The following NKAIN3 variants were observed in gnomAD, a reference collection of about 807,000 sequenced individuals.
The protein encoded by NKAIN3 is sodium/potassium transporting ATPase interacting 3.
NKAIN3 carries 25 observed loss-of-function variants against 30.2 expected under a neutral mutation model. That is an observed-to-expected ratio of 0.83 (90% CI 0.60 to 1.16). The LOEUF is 1.16. Among genes scored for constraint, NKAIN3 ranks in the 50% most tolerant of loss-of-function variants. NKAIN3 has a pLI of 0.00. For missense variants in NKAIN3, 225 were observed against 254.1 expected (o/e 0.89, Z 0.78); for synonymous variants, 91 against 89.6 (o/e 1.02, Z -0.09).
At chr8:62,423,162 C>A (rs952124458) in intron 1 of NKAIN3, among the ~76,000 whole-genome samples, 5 of 152,056 alleles carry the variant, frequency 3.3e-5, no homozygotes, top group African/African-American at 9.7e-5. Context: ...CACACCACCT[C>A]AACTAAATGC....
At chr8:62,637,148 A>G (rs1032953127) in intron 3 of NKAIN3, among the ~76,000 whole-genome samples, 2 of 152,242 alleles carry the variant, frequency 1.3e-5, no homozygotes, top group African/African-American at 4.8e-5. Context: ...GGTATGAAAC[A>G]AACATTTGCC....
rs73273457 is a variant in NKAIN3 at position 62,566,090 on chromosome 8, C to T, written c.55-13449C>T. 8.3e-3 allele frequency among the ~76,000 whole-genome samples: 1,267 copies of T among 152,212 alleles called. 17 individuals carry two copies. The highest frequency in any genetic ancestry group is 0.029 in the African/African-American group (1,197 of 41,538). On this transcript the variant is annotated intron_variant, in intron 1 of 6. Transcript: ENST00000623646. ...TTTTAAGGCATTTATTTCAGAGGCA[C>T]ATCAGATACTGCATGGCTTATGGAA...
intron 1 of NKAIN3, among the ~76,000 whole-genome samples, chr8:62,399,614 A>G (rs575474975): frequency 1.3e-5 from 2 of 152,328 alleles, no homozygotes; most frequent in African/African-American, 4.8e-5. Context: ...TGTGGTAAAT[A>G]TTGAAAATAT....
chr8:62,364,040 C>G (rs1816649123), intron 1 of NKAIN3, among the ~76,000 whole-genome samples: 1 of 148,600 alleles, frequency 6.7e-6, no homozygotes, highest in African/African-American at 2.4e-5. Context: ...ATTTGGGGTT[C>G]CTTCTCTGTA....
intron 4 of NKAIN3, among the ~76,000 whole-genome samples, chr8:62,881,659 T>C (rs1820986504): frequency 6.6e-6 from 1 of 152,260 alleles, no homozygotes. Flanking sequence ...CTTGGTTGCT[T>C]CCAAATTTTG....
chr8:62,964,578 G>GTA lies in NKAIN3; in HGVS notation c.604-776_604-775insTA, dbSNP rs1178300747. Among the ~76,000 whole-genome samples, 584 of 145,162 alleles carry GTA rather than the reference G, an allele frequency of 4.0e-3. 4 individuals are homozygous for GTA. The highest frequency in any genetic ancestry group is 0.014 in the African/African-American group (547 of 39,050). On this transcript the variant is annotated intron_variant, in intron 6 of 6. Transcript: ENST00000623646. ...TGTGTGTGTGTGTGTGTGTGTGTGT[G>GTA]CTTCCCCACACATGCGTGCATCTGG...
intron 1 of NKAIN3, among the ~76,000 whole-genome samples, chr8:62,513,555 C>G (rs762622853): frequency 2.6e-5 from 4 of 151,862 alleles, no homozygotes; most frequent in Non-Finnish European, 4.4e-5. Context: ...AGAAGATAGA[C>G]AAACATTCCA....
At chr8:62,697,414 CT>C in intron 3 of NKAIN3, among the ~76,000 whole-genome samples, 1 of 152,294 alleles carries the variant, frequency 6.6e-6, no homozygotes, top group East Asian at 1.9e-4. Flanking sequence ...GGCTTTCTGC[CT>C]CCCTTTCTTC....
intron 4 of NKAIN3, among the ~76,000 whole-genome samples, chr8:62,908,092 C>A (rs1333080645): frequency 6.6e-6 from 1 of 152,194 alleles, no homozygotes; most frequent in Admixed American, 6.5e-5. Flanking sequence ...CATGGGAACC[C>A]CCTCCCTTGC....
chr8:62,822,516 T>C (rs1035851306), intron 4 of NKAIN3, among the ~76,000 whole-genome samples: 1 of 152,148 alleles, frequency 6.6e-6, no homozygotes, highest in Non-Finnish European at 1.5e-5. Flanking sequence ...AATTAACTAA[T>C]CTAGGAGGAT....
intron 3 of NKAIN3, among the ~76,000 whole-genome samples, chr8:62,697,253 C>T (rs1013733243): frequency 1.3e-5 from 2 of 152,182 alleles, no homozygotes; most frequent in African/African-American, 4.8e-5. Flanking sequence ...CCCACTACCT[C>T]CCTAGCCTCA....
chr8:62,686,345 C>T (rs1379360409), intron 3 of NKAIN3, among the ~76,000 whole-genome samples: 2 of 152,200 alleles, frequency 1.3e-5, no homozygotes, highest in Non-Finnish European at 2.9e-5. Flanking sequence ...TATTCCTACT[C>T]TCCTGTGCCT....
At chr8:62,266,477 G>A (rs1812603859) in intron 1 of NKAIN3, among the ~76,000 whole-genome samples, 1 of 152,122 alleles carries the variant, frequency 6.6e-6, no homozygotes, top group Non-Finnish European at 1.5e-5. Context: ...ATTTTAAATA[G>A]ATATTATCAA....
intron 3 of NKAIN3, among the ~76,000 whole-genome samples, chr8:62,606,097 G>A (rs558527856): frequency 9.9e-5 from 15 of 152,142 alleles, no homozygotes; most frequent in African/African-American, 3.6e-4. Flanking sequence ...TATAATAAAT[G>A]TGCGTCGATC....
chr8:62,828,409 G>A (rs1198447777), intron 4 of NKAIN3, among the ~76,000 whole-genome samples: 1 of 151,902 alleles, frequency 6.6e-6, no homozygotes, highest in Admixed American at 6.6e-5. Flanking sequence ...TTTATTGTAT[G>A]ATAATATACA....
At chr8:62,358,495 AT>A (rs929392483) in intron 1 of NKAIN3, among the ~76,000 whole-genome samples, 3 of 152,078 alleles carry the variant, frequency 2.0e-5, no homozygotes, top group African/African-American at 7.2e-5. Flanking sequence ...TCCCATTTGC[AT>A]TTTTTATGCA....
intron 1 of NKAIN3, among the ~76,000 whole-genome samples, chr8:62,515,768 A>G (rs1455952426): frequency 1.3e-5 from 2 of 152,136 alleles, no homozygotes; most frequent in African/African-American, 4.8e-5. Context: ...AATTTTTGCC[A>G]GTCTGATGGA....
chr8:62,978,207 T>C lies in NKAIN3; in HGVS notation c.*12800T>C, dbSNP rs1161550870. 1 of 153,032 alleles carries C rather than the reference T, an allele frequency of 6.5e-6. No homozygotes were observed. The highest frequency in any genetic ancestry group is 1.5e-5 in the Non-Finnish European group (1 of 68,708). 9.5% of individuals were successfully genotyped at this position (153,032 alleles called of 1,614,324 possible). On this transcript the variant is annotated 3_prime_UTR_variant, in exon 7 of 7. Coordinates refer to ENST00000623646, the MANE Select transcript of NKAIN3 (RefSeq NM_001304533.3). Reference sequence around the variant, plus strand: ...GGCATGGGGGTCAGGGACCCACTTGTGGAAGCAGTCTGTCCCTTAGCGGAG... The same window carrying C: ...GGCATGGGGGTCAGGGACCCACTTGCGGAAGCAGTCTGTCCCTTAGCGGAG...
chr8:62,346,552 T>C (rs1816013231), intron 1 of NKAIN3, among the ~76,000 whole-genome samples: 1 of 152,122 alleles, frequency 6.6e-6, no homozygotes, highest in Admixed American at 6.6e-5. Context: ...TTTGAGATCA[T>C]ATACATGCAG....
Sources: allele counts gnomAD v4.1 joint callset (sites outside exome capture counted in the v4.1 genomes callset), GRCh38; gene constraint gnomAD v4.1.1; transcripts MANE v1.5; gene names NCBI Gene and HGNC (gene_info 2026-07-23, HGNC 2026-07-21).